The following FHOD3 variants were observed in gnomAD, a reference collection of about 807,000 sequenced individuals.
The protein encoded by FHOD3 is FH1/FH2 domain-containing protein 3.
In FHOD3, 90 loss-of-function variants were observed where a neutral mutation model predicts 173.0. That is an observed-to-expected ratio of 0.52 (90% CI 0.44 to 0.62). The LOEUF (loss-of-function observed/expected upper bound fraction) is 0.62. Ranked by LOEUF, FHOD3 falls within the 20% of genes least tolerant of loss-of-function variation. The pLI is 0.00. For missense variants in FHOD3, 1,945 were observed against 2,034.7 expected, an observed-to-expected ratio of 0.96 and a Z score of 0.85; for synonymous variants, 828 against 823.0, an observed-to-expected ratio of 1.01 and a Z score of -0.10.
chr18:36,725,821 A>G lies in FHOD3; in HGVS notation c.3418-4825A>G, dbSNP rs139090753. On this transcript the variant is annotated intron_variant, in intron 19 of 28. Transcript: ENST00000590592. ...TTTTATGTTAGATTCTGGGTCACTA[A>G]TCTTAGTGTCTTTGTTAGAATGTCC... 4.9e-4 allele frequency among the ~76,000 whole-genome samples: 74 copies of G among 152,242 alleles called. 1 individual carries two copies. Among genetic ancestry groups the G allele is most frequent in the African/African-American group, 1.6e-3 (66 of 41,554 alleles).
chr18:36,625,858 G>A, intron 10 of FHOD3, 109 bp downstream of exon 10: 2 of 897,560 alleles, frequency 2.2e-6, no homozygotes, highest in Non-Finnish European at 3.3e-6. Context: ...CCCCCACCCA[G>A]CATTGCTCCC....
At chr18:36,766,716 G>A (rs895156617) in intron 27 of FHOD3, among the ~76,000 whole-genome samples, 8 of 152,296 alleles carry the variant, frequency 5.3e-5, no homozygotes, top group African/African-American at 1.7e-4. Flanking sequence ...AGGGCAAGAT[G>A]TTTCCTTTAA....
At chr18:36,478,101 G>A (rs1385964245) in intron 3 of FHOD3, among the ~76,000 whole-genome samples, 1 of 152,188 alleles carries the variant, frequency 6.6e-6, no homozygotes, top group Admixed American at 6.5e-5. Context: ...GGTAGTGGGG[G>A]TGTCATTTGA....
intron 2 of FHOD3, among the ~76,000 whole-genome samples, chr18:36,356,924 A>G (rs902559718): frequency 2.6e-5 from 4 of 152,086 alleles, no homozygotes; most frequent in Non-Finnish European, 5.9e-5. Context: ...GTGAGTCACC[A>G]TACCCAGCCT....
At chr18:36,669,540 TTATTAGCAATAAGTG>T (rs1232802573) in intron 14 of FHOD3, among the ~76,000 whole-genome samples, 1 of 151,976 alleles carries the variant, frequency 6.6e-6, no homozygotes, top group Non-Finnish European at 1.5e-5. Context: ...TTTTGTTGCC[TTATTAGCAATAAGTG>T]TATTATTTTA....
At chr18:36,343,390 T>C (rs963001122) in intron 1 of FHOD3, among the ~76,000 whole-genome samples, 2 of 152,126 alleles carry the variant, frequency 1.3e-5, no homozygotes, top group Non-Finnish European at 2.9e-5. Flanking sequence ...TTATGCTTAG[T>C]GAAAGAAACC....
chr18:36,504,295 G>A (rs2055183847), intron 4 of FHOD3, among the ~76,000 whole-genome samples: 1 of 151,966 alleles, frequency 6.6e-6, no homozygotes, highest in Admixed American at 6.6e-5. Context: ...TTTCCTTCTG[G>A]TATCTCTTCC....
rs558282627 is a variant in FHOD3, at chr18:36,574,491, T to A, written c.512-1960T>A. 2.0e-5 allele frequency among the ~76,000 whole-genome samples: 3 copies of A among 152,278 alleles called. No individual in the cohort carries two copies. The East Asian group carries it at 5.8e-4, about 29-fold the overall frequency. Reference sequence around the variant, plus strand: ...TTAAAGAAATTATTCTTTAACATATTTGTTGTCATAGATCCACTTATCTAG... The same window carrying A: ...TTAAAGAAATTATTCTTTAACATATATGTTGTCATAGATCCACTTATCTAG... On this transcript the variant is annotated intron_variant, in intron 5 of 28. Transcript: ENST00000590592.
chr18:36,362,778 C>T (rs928340781), intron 2 of FHOD3, among the ~76,000 whole-genome samples: 1 of 152,072 alleles, frequency 6.6e-6, no homozygotes, highest in African/African-American at 2.4e-5. Context: ...CTGCATGTGG[C>T]AAAGAACCCA....
intron 10 of FHOD3, among the ~76,000 whole-genome samples, chr18:36,637,414 T>TCCAG (rs1319972349): frequency 2.0e-5 from 3 of 152,032 alleles, no homozygotes; most frequent in Non-Finnish European, 4.4e-5. Context: ...TGTGAGCACA[T>TCCAG]CCAGCTAATT....
Position 36,625,651 on chromosome 18 carries a change from GGT to G in FHOD3, c.1100_1101del (p.Val367AlafsTer31). The G allele has an allele frequency of 6.2e-7, 1 of 1,610,436 alleles. No individual in the cohort carries two copies. The highest frequency in any genetic ancestry group is 1.1e-5 in the South Asian group (1 of 90,576). ...LDRRRSRRHSVQSIKSTLSAP... is the reference protein window; with the variant it reads ...LDRRRSRRHSXQSIKSTLSAP... ...ACCGCAGAAGGAGCCGCAGGCACTC[GGT>G]GCAGAGCATCAAGAGCACCCTGTCG... On this transcript the variant is annotated frameshift_variant, in exon 10 of 29. Coordinates refer to ENST00000590592, the MANE Select transcript of FHOD3 (RefSeq NM_001281740.3). LOFTEE classifies it high-confidence loss of function.
intron 3 of FHOD3, among the ~76,000 whole-genome samples, chr18:36,411,618 A>G (rs2049354153): frequency 6.6e-6 from 1 of 152,156 alleles, no homozygotes; most frequent in Non-Finnish European, 1.5e-5. Flanking sequence ...TTTTGTCAGT[A>G]TAATATAGAG....
intron 9 of FHOD3, among the ~76,000 whole-genome samples, chr18:36,613,045 G>A (rs2132385): frequency 0.8 from 121,823 of 152,256 alleles, 49,361 homozygotes; most frequent in East Asian, 1. Context: ...GGATATGAGA[G>A]GCTCCATGGG....
chr18:36,567,109 G>A (rs565346324), intron 5 of FHOD3, among the ~76,000 whole-genome samples: 7 of 152,334 alleles, frequency 4.6e-5, no homozygotes, highest in African/African-American at 1.2e-4. Context: ...ACCTACTGAG[G>A]TAGGCAGGAT....
At chr18:36,552,972 T>C (rs1418838762) in intron 5 of FHOD3, among the ~76,000 whole-genome samples, 2 of 152,176 alleles carry the variant, frequency 1.3e-5, no homozygotes, top group Non-Finnish European at 2.9e-5. Context: ...AAATAGCTCT[T>C]ATTATTTTGA....
intron 3 of FHOD3, among the ~76,000 whole-genome samples, chr18:36,379,331 C>A (rs973086662): frequency 2.0e-5 from 3 of 152,292 alleles, no homozygotes; most frequent in African/African-American, 4.8e-5. Context: ...ATCTCAGGGT[C>A]TCTTACGACA....
intron 10 of FHOD3, among the ~76,000 whole-genome samples, chr18:36,626,972 T>C (rs2034156876): frequency 6.6e-6 from 1 of 152,214 alleles, no homozygotes; most frequent in African/African-American, 2.4e-5. Context: ...CCATGGTCTA[T>C]GTTGACACCC....
intron 27 of FHOD3, among the ~76,000 whole-genome samples, chr18:36,768,753 T>C (rs1396645921): frequency 6.6e-6 from 1 of 152,186 alleles, no homozygotes; most frequent in Non-Finnish European, 1.5e-5. Flanking sequence ...ATAAAATCTA[T>C]TTCTTTCTAC....
intron 5 of FHOD3, among the ~76,000 whole-genome samples, chr18:36,553,285 T>C (rs1244791680): frequency 5.9e-5 from 9 of 152,218 alleles, no homozygotes; most frequent in Non-Finnish European, 8.8e-5. Flanking sequence ...ATTCTCTTTT[T>C]TGGTTGTGTC....
Sources: gnomAD v4.1 joint callset for allele counts (sites outside exome capture counted in the v4.1 genomes callset) on GRCh38, gnomAD v4.1.1 for gene constraint, MANE v1.5 for transcripts, NCBI Gene and HGNC (gene_info 2026-07-23, HGNC 2026-07-21) for gene names.